FSCN2: variants seen among roughly 807,000 people sequenced by gnomAD.
FSCN2 encodes the protein fascin actin-bundling protein 2, retinal.
FSCN2 carries 46 observed loss-of-function variants against 37.8 expected under a neutral mutation model. The observed-to-expected ratio is 1.22, with a 90% CI of 0.96 to 1.56. FSCN2 has a LOEUF of 1.56. Ranked by LOEUF, FSCN2 falls within the 40% of genes most tolerant of loss-of-function variation. FSCN2 has a pLI of 0.00. For missense variants in FSCN2, 844 were observed against 730.4 expected (o/e 1.16, Z -1.79); for synonymous variants, 351 against 309.4 (o/e 1.13, Z -1.41).
chr17:81,521,973 C>T, the FSCN2 span, among the ~76,000 whole-genome samples: 3 of 152,154 alleles, frequency 2.0e-5, no homozygotes, highest in African/African-American at 7.2e-5. Flanking sequence ...CTCATCTAAT[C>T]CAAAATCACG....
chr17:81,524,985 C>T (rs940960640), upstream of FSCN2, among the ~76,000 whole-genome samples: 5 of 152,070 alleles, frequency 3.3e-5, no homozygotes, highest in Non-Finnish European at 5.9e-5. Context: ...TACAAGAACC[C>T]GGCCCTGTGC....
the FSCN2 span, chr17:81,519,112 G>A: frequency 0.063 from 9,575 of 152,394 alleles, 642 homozygotes; most frequent in African/African-American, 0.17. Flanking sequence ...GGTGAGCCCC[G>A]GGATGTTTCT....
At chr17:81,534,146 G>A (rs2032779606) in intron 1 of FSCN2, among the ~76,000 whole-genome samples, 1 of 152,206 alleles carries the variant, frequency 6.6e-6, no homozygotes. Context: ...TCCCAGCCTG[G>A]GGCGTGAGGG....
chr17:81,520,998 C>T, the FSCN2 span, among the ~76,000 whole-genome samples: 1 of 152,014 alleles, frequency 6.6e-6, no homozygotes, highest in Non-Finnish European at 1.5e-5. Flanking sequence ...GGGATATTTC[C>T]TTGACTTCTA....
chr17:81,519,073 G>A, the FSCN2 span: 10 of 152,220 alleles, frequency 6.6e-5, no homozygotes, highest in African/African-American at 2.4e-4. Flanking sequence ...CCGGGAAGCT[G>A]GGACTTGAGC....
chr17:81,528,062 T>C (rs1304552604), upstream of FSCN2, among the ~76,000 whole-genome samples: 1 of 147,096 alleles, frequency 6.8e-6, no homozygotes, highest in African/African-American at 2.5e-5. Flanking sequence ...CCGGAAGGGC[T>C]GGGCCGGGCC....
the FSCN2 span, among the ~76,000 whole-genome samples, chr17:81,515,961 T>G: frequency 6.6e-6 from 1 of 152,290 alleles, no homozygotes; most frequent in Non-Finnish European, 1.5e-5. Flanking sequence ...TCTCGGGCCT[T>G]AGCCTCCCGA....
chr17:81,525,664 G>T (rs1868940693), upstream of FSCN2, among the ~76,000 whole-genome samples: 1 of 152,162 alleles, frequency 6.6e-6, no homozygotes, highest in Non-Finnish European at 1.5e-5. Flanking sequence ...GGCAGAGGTT[G>T]CAGTGAGCCA....
chr17:81,535,836 C>A (rs571886929), intron 2 of FSCN2, among the ~76,000 whole-genome samples: 4 of 105,606 alleles, frequency 3.8e-5, no homozygotes, highest in African/African-American at 1.4e-4. Context: ...CCTCTCCATC[C>A]CCATCCCCAT....
At chr17:81,531,723 A>ATGGTGATGG (rs1568078032) in intron 1 of FSCN2, among the ~76,000 whole-genome samples, 1 of 65,678 alleles carries the variant, frequency 1.5e-5, no homozygotes, top group Non-Finnish European at 2.8e-5. Context: ...GATGGTGGTG[A>ATGGTGATGG]TGGTGATGGT....
chr17:81,523,033 C>T, the FSCN2 span, among the ~76,000 whole-genome samples: 1 of 152,208 alleles, frequency 6.6e-6, no homozygotes, highest in Non-Finnish European at 1.5e-5. Context: ...AGTTTTCTGG[C>T]AAGGCCTAGA....
intron 1 of FSCN2, among the ~76,000 whole-genome samples, chr17:81,531,422 AGTGATGATGGAGATG>A (rs2032582931): frequency 2.0e-5 from 1 of 48,828 alleles, no homozygotes; most frequent in Non-Finnish European, 4.1e-5. Flanking sequence ...TGGTGGTGAT[AGTGATGATGGAGATG>A]GTGGTGATGG....
rs1489064377 is a variant in FSCN2, at chr17:81,535,136, C to T, written c.911C>T (p.Thr304Ile). The change falls in exon 2 of 5, where the codon ACC becomes ATC. Residue 304 changes from threonine to isoleucine, a missense_variant. Thr to Ile is a moderately conservative substitution (Grantham distance 89). Coordinates refer to ENST00000417245, the MANE Select transcript of FSCN2 (RefSeq NM_012418.4). The part of the protein sequence containing the change: ...MQIDQETKKC[T>I]FYSSTGGYWT... ...ATTGACCAGGAGACAAAGAAGTGCA[C>T]CTTCTATTCCAGCACTGGGGGCTAC... The T allele has an allele frequency of 1.1e-5, 17 of 1,533,636 alleles. No individual in the cohort carries two copies. The highest frequency in any genetic ancestry group is 1.3e-5 in the Non-Finnish European group (15 of 1,145,024).
chr17:81,515,876 T>G, the FSCN2 span, among the ~76,000 whole-genome samples: 1 of 152,280 alleles, frequency 6.6e-6, no homozygotes, highest in Non-Finnish European at 1.5e-5. Context: ...TGAGACAGTC[T>G]CATTGTCGCC....
intron 1 of FSCN2, among the ~76,000 whole-genome samples, chr17:81,531,726 G>GTGGTGATGGTGA (rs1555671370): frequency 9.2e-6 from 1 of 109,204 alleles, no homozygotes; most frequent in African/African-American, 4.2e-5. Context: ...GGTGGTGATG[G>GTGGTGATGGTGA]TGATGGTGAT....
intron 2 of FSCN2, 79 bp from the exon 3 acceptor site, chr17:81,536,067 A>AC (rs2143902626): frequency 6.5e-7 from 1 of 1,529,164 alleles, no homozygotes; most frequent in East Asian, 2.4e-5. Flanking sequence ...ACTCCTTGGA[A>AC]CCTGAGGAGG....
rs2032868952 is a variant in FSCN2, at chr17:81,536,138, C to T, written c.984-8C>T. 6.2e-7 allele frequency: 1 copy of T among 1,606,426 alleles called. No homozygotes were observed. The highest frequency in any genetic ancestry group is 8.5e-7 in the Non-Finnish European group (1 of 1,177,158). On this transcript the variant is annotated splice_region_variant and splice_polypyrimidine_tract_variant and intron_variant, in intron 2 of 4. Coordinates refer to ENST00000417245, the MANE Select transcript of FSCN2 (RefSeq NM_012418.4). Reference sequence around the variant, plus strand: ...TGTCCTGAGGAGACCTTTTGCTGCTCCCTCCAGTTCTGCCAACACCATGTT... The same window carrying T: ...TGTCCTGAGGAGACCTTTTGCTGCTTCCTCCAGTTCTGCCAACACCATGTT...
the FSCN2 span, among the ~76,000 whole-genome samples, chr17:81,522,452 A>T: frequency 6.6e-6 from 1 of 152,224 alleles, no homozygotes; most frequent in African/African-American, 2.4e-5. Flanking sequence ...GATGGTGACC[A>T]TGTGCAGAGC....
At chr17:81,527,131 A>G (rs2032374871), upstream of FSCN2, 2 of 152,368 alleles carry the variant, frequency 1.3e-5, no homozygotes, top group Non-Finnish European at 1.5e-5. Flanking sequence ...CTCTGCCACC[A>G]TGGCCCTGCC....
Sources: allele counts gnomAD v4.1 joint callset (sites outside exome capture counted in the v4.1 genomes callset), GRCh38; gene constraint gnomAD v4.1.1; transcripts MANE v1.5; gene names NCBI Gene and HGNC (gene_info 2026-07-23, HGNC 2026-07-21).